SNX29: variants seen among roughly 807,000 people sequenced by gnomAD.
SNX29 encodes sorting nexin 29.
Under a neutral mutation model 102.1 loss-of-function variants are expected in SNX29, and 78 were observed. That is an observed-to-expected ratio of 0.76 (90% CI 0.64 to 0.92). SNX29 has a LOEUF of 0.92. SNX29 is among the 40% of genes least tolerant of loss of function. SNX29 has a pLI of 0.00. For synonymous variants in SNX29, 580 were observed against 414.5 expected, an observed-to-expected ratio of 1.40 and a Z score of -4.85; for missense variants, 1,280 against 1,061.7, an observed-to-expected ratio of 1.21 and a Z score of -2.86.
intron 20 of SNX29, among the ~76,000 whole-genome samples, chr16:12,565,584 C>T (rs985222097): frequency 1.6e-4 from 25 of 152,188 alleles, no homozygotes; most frequent in African/African-American, 5.5e-4. Context: ...CACCCTCAAC[C>T]ACAGCAGCCT....
chr16:12,418,636 T>C (rs777628219), intron 18 of SNX29, among the ~76,000 whole-genome samples: 45 of 152,146 alleles, frequency 3.0e-4, no homozygotes, highest in Non-Finnish European at 4.0e-4. Flanking sequence ...TGCCTCAGCC[T>C]TCTGAGTAGC....
intron 20 of SNX29, among the ~76,000 whole-genome samples, chr16:12,546,922 G>C (rs969619797): frequency 2.0e-5 from 3 of 152,200 alleles, no homozygotes; most frequent in East Asian, 1.9e-4. Flanking sequence ...AGGAGGATGA[G>C]AGCAGGGATG....
chr16:12,336,099 G>C (rs1173841450), intron 15 of SNX29, among the ~76,000 whole-genome samples: 1 of 152,160 alleles, frequency 6.6e-6, no homozygotes, highest in African/African-American at 2.4e-5. Flanking sequence ...GGGACATAGA[G>C]AAATATAATA....
intron 20 of SNX29, among the ~76,000 whole-genome samples, chr16:12,563,634 C>T (rs940535622): frequency 6.6e-6 from 1 of 152,108 alleles, no homozygotes; most frequent in African/African-American, 2.4e-5. Flanking sequence ...TGTCCTGGCC[C>T]CAGAAGGTAG....
rs926632610 is a variant in SNX29 at position 12,096,701 on chromosome 16, C to T, written c.1402+17786C>T. Among the ~76,000 whole-genome samples the T allele has an allele frequency of 5.9e-5, 9 of 152,276 alleles. No individual in the cohort carries two copies. Among genetic ancestry groups the T allele is most frequent in the Non-Finnish European group, 8.8e-5 (6 of 68,020 alleles). On this transcript the variant is annotated intron_variant, in intron 11 of 20. Transcript: ENST00000566228. The surrounding 1 kb of genome is among the most constrained non-coding windows in gnomAD (Gnocchi z 4.2). ...TTTGTTATCTGTGGCACTGAACAACCGCCACTCGATCCACCCATGGGAACG... is the reference window on the plus strand; with the variant it reads ...TTTGTTATCTGTGGCACTGAACAACTGCCACTCGATCCACCCATGGGAACG...
At chr16:12,516,181 C>T (rs916649102) in intron 19 of SNX29, among the ~76,000 whole-genome samples, 1 of 152,160 alleles carries the variant, frequency 6.6e-6, no homozygotes, top group African/African-American at 2.4e-5. Flanking sequence ...GAGCCAGTCT[C>T]ATCAGAATGG....
chr16:12,052,551 C>T, intron 8 of SNX29: 1 of 312,580 alleles, frequency 3.2e-6, no homozygotes, highest in East Asian at 8.0e-5. Flanking sequence ...GTTAAGTTCA[C>T]TGTTTTCTCT....
At chr16:12,093,238 T>C (rs1170371143) in intron 11 of SNX29, among the ~76,000 whole-genome samples, 1 of 152,176 alleles carries the variant, frequency 6.6e-6, no homozygotes, top group Non-Finnish European at 1.5e-5. Context: ...GGCCCTGATG[T>C]CAGTGATCAC....
intron 14 of SNX29, among the ~76,000 whole-genome samples, chr16:12,251,096 CA>C (rs1326773755): frequency 6.6e-6 from 1 of 152,210 alleles, no homozygotes; most frequent in East Asian, 1.9e-4. Flanking sequence ...TTGTTGGGAG[CA>C]TAGGCGCAAG....
At chr16:12,028,693 T>G (rs574719417) in intron 4 of SNX29, among the ~76,000 whole-genome samples, 13 of 152,198 alleles carry the variant, frequency 8.5e-5, no homozygotes, top group African/African-American at 2.6e-4. Flanking sequence ...AAAAAATTAT[T>G]ATTAAAATTA....
chr16:12,362,631 C>T (rs1350429460), intron 16 of SNX29, among the ~76,000 whole-genome samples: 1 of 145,646 alleles, frequency 6.9e-6, no homozygotes, highest in Non-Finnish European at 1.5e-5. Context: ...TGCTGCCCCC[C>T]ACCCAGGGCC....
At chr16:12,171,717 T>C (rs1026535655) in intron 13 of SNX29, among the ~76,000 whole-genome samples, 7 of 152,268 alleles carry the variant, frequency 4.6e-5, no homozygotes, top group African/African-American at 1.2e-4. Context: ...ACCGAAAGGA[T>C]AGGGAGGCCT....
At chr16:12,273,647 C>G (rs538504072) in intron 14 of SNX29, among the ~76,000 whole-genome samples, 9 of 152,284 alleles carry the variant, frequency 5.9e-5, no homozygotes, top group African/African-American at 2.2e-4. Flanking sequence ...CGTGAGCCAC[C>G]AAGCCCGACC....
At chr16:12,545,148 G>A (rs954703091) in intron 20 of SNX29, among the ~76,000 whole-genome samples, 2 of 152,166 alleles carry the variant, frequency 1.3e-5, no homozygotes, top group Non-Finnish European at 2.9e-5. Flanking sequence ...CAGCTATGAA[G>A]TACAGACACT....
chr16:12,424,668 T>A (rs1409111164), intron 18 of SNX29, among the ~76,000 whole-genome samples: 1 of 152,212 alleles, frequency 6.6e-6, no homozygotes, highest in Non-Finnish European at 1.5e-5. Context: ...CAGGCTATTA[T>A]TTATTTTGAT....
intron 14 of SNX29, among the ~76,000 whole-genome samples, chr16:12,240,518 G>A (rs1374876546): frequency 8.8e-6 from 1 of 113,796 alleles, no homozygotes; most frequent in Non-Finnish European, 2.0e-5. Context: ...GTCGGTTTTT[G>A]TTTCTTTTAG....
intron 20 of SNX29, among the ~76,000 whole-genome samples, chr16:12,536,054 C>G (rs546544618): frequency 4.7e-4 from 71 of 152,126 alleles, no homozygotes; most frequent in Admixed American, 7.9e-4. Context: ...GAGCTGAGCC[C>G]TTTGTCTTCA....
chr16:12,047,255 G>A (rs770786456), intron 6 of SNX29, among the ~76,000 whole-genome samples: 1 of 152,198 alleles, frequency 6.6e-6, no homozygotes, highest in African/African-American at 2.4e-5. Flanking sequence ...GGACTGTTAC[G>A]TTGTTCGCCC....
chr16:12,445,849 C>A (rs1020635986), intron 18 of SNX29, among the ~76,000 whole-genome samples: 2 of 152,172 alleles, frequency 1.3e-5, no homozygotes, highest in African/African-American at 2.4e-5. Flanking sequence ...ACTCCTGCTG[C>A]TGCCCCCATT....
Sources: gnomAD v4.1 joint callset for allele counts (sites outside exome capture counted in the v4.1 genomes callset) on GRCh38, gnomAD v4.1.1 for gene constraint, Gnocchi (gnomAD v3.1) non-coding constraint, MANE v1.5 for transcripts, NCBI Gene and HGNC (gene_info 2026-07-23, HGNC 2026-07-21) for gene names.